Variants in IMMP2L observed in about 807,000 individuals in gnomAD.
The protein encoded by IMMP2L is mitochondrial inner membrane protease subunit 2.
IMMP2L carries 18 observed loss-of-function variants against 19.3 expected under a neutral mutation model. That is an observed-to-expected ratio of 0.93 (90% CI 0.64 to 1.38). The LOEUF (loss-of-function observed/expected upper bound fraction) is 1.38, where lower values mean the gene tolerates loss of function less well. IMMP2L is among the 40% of genes most tolerant of loss of function. The pLI is 0.00. For missense variants in IMMP2L, 233 were observed against 218.2 expected, an observed-to-expected ratio of 1.07 and a Z score of -0.43; for synonymous variants, 76 against 73.0, an observed-to-expected ratio of 1.04 and a Z score of -0.21.
chr7:111,241,241 G>C (rs1309122233), intron 3 of IMMP2L, among the ~76,000 whole-genome samples: 3 of 151,826 alleles, frequency 2.0e-5, no homozygotes, highest in Non-Finnish European at 2.9e-5. Context: ...CTATGGATGT[G>C]ACTCGTTTGA....
rs191399275 is a variant in IMMP2L, at chr7:111,422,532, G to T, written c.239+64706C>A. On this transcript the variant is annotated intron_variant, in intron 3 of 5. Coordinates refer to ENST00000405709, the MANE Select transcript of IMMP2L (RefSeq NM_032549.4). ...ATTTGGCTCTCTGTTTGTTAATGGG[G>T]TATAGAAATGCTTGTGATTTTTGCA... 4.4e-3 allele frequency among the ~76,000 whole-genome samples: 667 copies of T among 151,560 alleles called. 1 individual carries two copies. Among genetic ancestry groups the T allele is most frequent in the South Asian group, 6.8e-3 (33 of 4,820 alleles).
intron 3 of IMMP2L, among the ~76,000 whole-genome samples, chr7:111,193,991 ACTTTTAACTCAGTATTCCAGAGGC>A (rs1407611523): frequency 6.6e-6 from 1 of 152,142 alleles, no homozygotes; most frequent in Non-Finnish European, 1.5e-5. Context: ...AGACCAGTCC[ACTTTTAACTCAGTATTCCAGAGGC>A]CAAACTACTT....
intron 5 of IMMP2L, among the ~76,000 whole-genome samples, chr7:110,698,594 A>G (rs951352603): frequency 6.6e-6 from 1 of 152,186 alleles, no homozygotes; most frequent in Non-Finnish European, 1.5e-5. Flanking sequence ...AGCCATAGAA[A>G]CTGACATATA....
chr7:111,191,463 CACACACACACAA>C (rs1335767849), intron 3 of IMMP2L, among the ~76,000 whole-genome samples: 34 of 150,442 alleles, frequency 2.3e-4, no homozygotes, highest in African/African-American at 8.3e-4. Flanking sequence ...CACACACACA[CACACACACACAA>C]AACTTATATG....
chr7:110,980,491 C>T (rs933700761), intron 3 of IMMP2L, among the ~76,000 whole-genome samples: 1 of 152,048 alleles, frequency 6.6e-6, no homozygotes, highest in Admixed American at 6.5e-5. Flanking sequence ...GCTGGGATTA[C>T]AAGCGTGAGC....
intron 5 of IMMP2L, among the ~76,000 whole-genome samples, chr7:110,772,832 C>T (rs1476512324): frequency 6.6e-6 from 1 of 152,146 alleles, no homozygotes; most frequent in East Asian, 1.9e-4. Flanking sequence ...CCCAGTATTA[C>T]TGGCAGGAGG....
At chr7:110,812,977 G>T (rs1041962122) in intron 5 of IMMP2L, among the ~76,000 whole-genome samples, 2 of 151,848 alleles carry the variant, frequency 1.3e-5, no homozygotes, top group African/African-American at 4.8e-5. Flanking sequence ...ATTTTTTATG[G>T]CAACTAGTTT....
rs527385735 is a variant in IMMP2L at position 110,773,674 on chromosome 7, C to G, written c.409-109953G>C. The stretch of plus-strand genomic sequence containing the variant: ...GTGCTAAAACTTTTAAGCCACTTAA[C>G]CTGTTGTTTAGAAACAGAGTTAGCA... On this transcript the variant is annotated intron_variant, in intron 5 of 5. Transcript: ENST00000405709. Among the ~76,000 whole-genome samples, 60 of 152,184 alleles carry G rather than the reference C, an allele frequency of 3.9e-4. No homozygotes were observed. In the Middle Eastern group the frequency reaches 0.01, roughly 26 times the overall value.
In IMMP2L at chr7:110,663,674, G is replaced by A; in HGVS notation, c.456C>T (p.Pro152=). ...LHAHATHILW[P]PERWQKLESV... is the part of the protein sequence containing the mutation. ...ATTCCAATTTCTGCCAGCGCTCTGGGGGCCACAGGATATGTGTGGCATGGG... is the reference window on the plus strand; with the variant it reads ...ATTCCAATTTCTGCCAGCGCTCTGGAGGCCACAGGATATGTGTGGCATGGG... The change falls in exon 6 of 6, where the codon CCC becomes CCT. Residue 152 remains proline, a synonymous_variant. Coordinates refer to ENST00000405709, the MANE Select transcript of IMMP2L (RefSeq NM_032549.4). 1.2e-6 allele frequency: 2 copies of A among 1,608,328 alleles called. No individual in the cohort carries two copies.
chr7:111,463,166 C>G (rs901317853), intron 3 of IMMP2L, among the ~76,000 whole-genome samples: 2 of 151,594 alleles, frequency 1.3e-5, no homozygotes, highest in East Asian at 1.9e-4. Context: ...TATCTCTTCA[C>G]ATCATCTTCC....
intron 1 of IMMP2L, among the ~76,000 whole-genome samples, chr7:111,551,134 C>T (rs1168315846): frequency 1.3e-5 from 2 of 152,160 alleles, no homozygotes; most frequent in Non-Finnish European, 2.9e-5. Context: ...ACTTGATAAT[C>T]TGTTTGCAAT....
intron 1 of IMMP2L, among the ~76,000 whole-genome samples, chr7:111,546,224 G>A (rs929255894): frequency 9.9e-5 from 15 of 151,934 alleles, no homozygotes; most frequent in African/African-American, 3.6e-4. Flanking sequence ...AAACTTAAAT[G>A]CTATATATAT....
At chr7:111,191,999 C>T (rs535408145) in intron 3 of IMMP2L, among the ~76,000 whole-genome samples, 5 of 151,940 alleles carry the variant, frequency 3.3e-5, no homozygotes, top group African/African-American at 9.7e-5. Flanking sequence ...CAGAATCTGG[C>T]GAAAGGTAAT....
Position 110,996,909 on chromosome 7 carries a change from C to T in IMMP2L, c.240-33344G>A, listed in dbSNP as rs188526880. On this transcript the variant is annotated intron_variant, in intron 3 of 5. Transcript: ENST00000405709. ...TTGTGAGTGTGTGTGTGTATGTATG[C>T]GTTGGTGTGCATGCTGAGTTCCATG... Among the ~76,000 whole-genome samples, 90 of 151,968 alleles carry T rather than the reference C, an allele frequency of 5.9e-4. 1 individual carries two copies. Among genetic ancestry groups the T allele is most frequent in the African/African-American group, 2.1e-3 (86 of 41,446 alleles).
At chr7:111,407,739 C>T (rs1293507688) in intron 3 of IMMP2L, among the ~76,000 whole-genome samples, 1 of 152,018 alleles carries the variant, frequency 6.6e-6, no homozygotes, top group African/African-American at 2.4e-5. Flanking sequence ...GATGGCTGTA[C>T]AACCCTATAC....
At chr7:111,429,922 T>C (rs1001393916) in intron 3 of IMMP2L, among the ~76,000 whole-genome samples, 3 of 151,892 alleles carry the variant, frequency 2.0e-5, no homozygotes, top group African/African-American at 7.3e-5. Context: ...ATATAGCAAG[T>C]ATGCTTGGAT....
At chr7:110,861,928 A>C (rs1169863947) in intron 5 of IMMP2L, among the ~76,000 whole-genome samples, 1 of 152,128 alleles carries the variant, frequency 6.6e-6, no homozygotes, top group Non-Finnish European at 1.5e-5. Flanking sequence ...AAAACATATT[A>C]ATTCCAATCA....
chr7:111,046,219 T>C (rs1275300428), intron 3 of IMMP2L, among the ~76,000 whole-genome samples: 8 of 151,456 alleles, frequency 5.3e-5, no homozygotes, highest in African/African-American at 1.9e-4. Flanking sequence ...AAAGAACCAA[T>C]AGATTAAATA....
chr7:111,163,592 C>T (rs994179404), intron 3 of IMMP2L, among the ~76,000 whole-genome samples: 3 of 151,994 alleles, frequency 2.0e-5, no homozygotes, highest in African/African-American at 7.2e-5. Context: ...CCCTAAGTGG[C>T]TTGTGTGGAT....
Sources: gnomAD v4.1 joint callset for allele counts (sites outside exome capture counted in the v4.1 genomes callset) on GRCh38, gnomAD v4.1.1 for gene constraint, MANE v1.5 for transcripts, NCBI Gene and HGNC (gene_info 2026-07-23, HGNC 2026-07-21) for gene names.